The following EPHA3 variants were observed in gnomAD, a reference collection of about 807,000 sequenced individuals.
EPHA3 encodes EPH receptor A3.
EPHA3 carries 42 observed loss-of-function variants against 107.1 expected under a neutral mutation model. The ratio of observed to expected loss-of-function variants is 0.39; its 90% CI spans 0.31 to 0.51. The LOEUF is 0.51. Among genes scored for constraint, EPHA3 ranks in the 20% least tolerant of loss-of-function variants. EPHA3 has a pLI of 0.78. For synonymous variants in EPHA3, 461 were observed against 424.8 expected, an observed-to-expected ratio of 1.09 and a Z score of -1.05; for missense variants, 1,183 against 1,211.2, an observed-to-expected ratio of 0.98 and a Z score of 0.35.
intron 3 of EPHA3, among the ~76,000 whole-genome samples, chr3:89,309,141 G>T (rs1706703202): frequency 1.3e-5 from 2 of 152,126 alleles, no homozygotes; most frequent in Non-Finnish European, 2.9e-5. Context: ...TTTGGATTTA[G>T]CAACTGGGAG....
intron 3 of EPHA3, among the ~76,000 whole-genome samples, chr3:89,285,384 A>G (rs1407466450): frequency 2.6e-5 from 4 of 151,932 alleles, no homozygotes; most frequent in Non-Finnish European, 4.4e-5. Flanking sequence ...GCATTGAATG[A>G]CAGACAAAAA....
At chr3:89,391,651 T>C (rs1333682985) in intron 5 of EPHA3, among the ~76,000 whole-genome samples, 2 of 151,674 alleles carry the variant, frequency 1.3e-5, no homozygotes, top group East Asian at 1.9e-4. Flanking sequence ...GCCAGGATGG[T>C]CTCCATCTCC....
chr3:89,119,401 G>A (rs373209467), intron 1 of EPHA3, among the ~76,000 whole-genome samples: 57 of 152,174 alleles, frequency 3.7e-4, no homozygotes, highest in African/African-American at 1.2e-3. Context: ...ATTCCAGTGC[G>A]GAGTTTGATG....
At position 89,136,340 on chromosome 3, in the gene EPHA3, T is replaced by TTTTTTTTTTTTTTTG; in HGVS notation, c.153+9068_153+9082dup. ...GCAAAATCTTACAGGCTTTTTTTTTTTTTTTTTTTTTTTTGACCCTTTCCT... is the reference window on the plus strand; with the variant it reads ...GCAAAATCTTACAGGCTTTTTTTTTTTTTTTTTTTTTTTTGTTTTTTTTTTTTTTGACCCTTTCCT... On this transcript the variant is annotated intron_variant, in intron 2 of 16. Transcript: ENST00000336596. Among the ~76,000 whole-genome samples the TTTTTTTTTTTTTTTG allele has an allele frequency of 1.5e-5, 2 of 135,968 alleles. 1 individual carries two copies. Among genetic ancestry groups the TTTTTTTTTTTTTTTG allele is most frequent in the Non-Finnish European group, 3.2e-5 (2 of 63,292 alleles). 89.2% of individuals were successfully genotyped at this position (135,968 alleles called of 152,430 possible).
At chr3:89,374,894 A>G (rs77331822) in intron 5 of EPHA3, among the ~76,000 whole-genome samples, 2,315 of 151,916 alleles carry the variant, frequency 0.015, 42 homozygotes, top group African/African-American at 0.053. Context: ...GAAAAAAAGT[A>G]ATGCCACTAA....
intron 3 of EPHA3, among the ~76,000 whole-genome samples, chr3:89,287,468 C>T (rs1018767762): frequency 2.0e-5 from 3 of 151,896 alleles, no homozygotes; most frequent in African/African-American, 4.8e-5. Flanking sequence ...GTGACATCTA[C>T]GAGGTTTGGA....
intron 1 of EPHA3, among the ~76,000 whole-genome samples, chr3:89,124,486 A>T (rs1224671204): frequency 2.6e-5 from 4 of 152,100 alleles, no homozygotes; most frequent in Non-Finnish European, 4.4e-5. Flanking sequence ...TTGGGTACAA[A>T]CAAAAGGCAC....
intron 2 of EPHA3, among the ~76,000 whole-genome samples, chr3:89,169,356 A>C (rs1046418767): frequency 6.6e-5 from 10 of 152,168 alleles, no homozygotes; most frequent in African/African-American, 2.4e-4. Flanking sequence ...TATATTACAC[A>C]GGCACATAGT....
At chr3:89,295,888 C>T (rs1219723100) in intron 3 of EPHA3, among the ~76,000 whole-genome samples, 2 of 152,188 alleles carry the variant, frequency 1.3e-5, no homozygotes, top group Non-Finnish European at 2.9e-5. Context: ...CCACACCCGA[C>T]CTCTTTGTTG....
chr3:89,288,924 A>G (rs796510471), intron 3 of EPHA3, among the ~76,000 whole-genome samples: 36 of 152,308 alleles, frequency 2.4e-4, no homozygotes, highest in African/African-American at 8.4e-4. Context: ...AGATACTTTC[A>G]ATTCATATGG....
chr3:89,214,138 G>T (rs1704171523), intron 3 of EPHA3, among the ~76,000 whole-genome samples: 1 of 151,920 alleles, frequency 6.6e-6, no homozygotes, highest in Admixed American at 6.6e-5. Context: ...ATTACAGTTT[G>T]CATTTAATTG....
chr3:89,346,593 C>T lies in EPHA3; in HGVS notation c.1306+4503C>T, dbSNP rs865990204. 1.1e-3 allele frequency among the ~76,000 whole-genome samples: 171 copies of T among 150,194 alleles called. 7 individuals carry two copies. Among genetic ancestry groups the T allele is most frequent in the Middle Eastern group, 0.01 (3 of 292 alleles). On this transcript the variant is annotated intron_variant, in intron 5 of 16. Transcript: ENST00000336596. ...TGCCTGTTCACTCTGATGGTAGTTT[C>T]TTTTGCTGTGCAGAAGCTCTTTATT...
intron 13 of EPHA3, among the ~76,000 whole-genome samples, chr3:89,446,970 C>T (rs1475194919): frequency 6.6e-6 from 1 of 152,076 alleles, no homozygotes; most frequent in Non-Finnish European, 1.5e-5. Flanking sequence ...CTCTGTTTGA[C>T]TTTTGTTAAT....
chr3:89,270,625 T>A (rs1054342876), intron 3 of EPHA3, among the ~76,000 whole-genome samples: 7 of 152,114 alleles, frequency 4.6e-5, no homozygotes, highest in African/African-American at 1.7e-4. Context: ...CTTAAACAAA[T>A]ACATGTGATC....
chr3:89,200,620 C>G (rs1480450959), intron 2 of EPHA3, among the ~76,000 whole-genome samples: 1 of 152,150 alleles, frequency 6.6e-6, no homozygotes, highest in Non-Finnish European at 1.5e-5. Context: ...TTGCACTGCC[C>G]AAATTGTTCC....
intron 3 of EPHA3, among the ~76,000 whole-genome samples, chr3:89,226,029 A>G (rs1704493623): frequency 6.6e-6 from 1 of 152,186 alleles, no homozygotes; most frequent in Non-Finnish European, 1.5e-5. Flanking sequence ...TGTTTAAATT[A>G]TATTCACTCC....
At chr3:89,264,804 G>T (rs1271086762) in intron 3 of EPHA3, among the ~76,000 whole-genome samples, 5 of 152,048 alleles carry the variant, frequency 3.3e-5, no homozygotes, top group Non-Finnish European at 4.4e-5. Flanking sequence ...GGAGTTTTGT[G>T]CCTTTTGAGT....
intron 15 of EPHA3, among the ~76,000 whole-genome samples, chr3:89,453,371 A>G (rs760702537): frequency 1.3e-5 from 2 of 152,182 alleles, no homozygotes; most frequent in Non-Finnish European, 2.9e-5. Context: ...CTAGCATCCA[A>G]ATTTTAACAT....
chr3:89,210,669 T>C, intron 3 of EPHA3, 149 bp downstream of exon 3: 1 of 789,146 alleles, frequency 1.3e-6, no homozygotes, highest in Non-Finnish European at 1.9e-6. Context: ...CTAAAATTAA[T>C]TCCATTTGAT....
Sources: gnomAD v4.1 joint callset for allele counts (sites outside exome capture counted in the v4.1 genomes callset) on GRCh38, gnomAD v4.1.1 for gene constraint, MANE v1.5 for transcripts, NCBI Gene and HGNC (gene_info 2026-07-23, HGNC 2026-07-21) for gene names.